Variants in TNC observed in about 807,000 individuals in gnomAD.
The protein encoded by TNC is tenascin.
TNC carries 109 observed loss-of-function variants against 202.4 expected under a neutral mutation model. That is an observed-to-expected ratio of 0.54 (90% confidence interval 0.46 to 0.63). TNC has a LOEUF of 0.63. TNC is among the 30% of genes least tolerant of loss of function. TNC has a pLI of 0.00. For synonymous variants in TNC, 1,007 were observed against 1,089.7 expected (o/e 0.92, Z 1.50); for missense variants, 2,756 against 2,833.3 (o/e 0.97, Z 0.62).
At position 115,087,701 on chromosome 9, in the gene TNC, T is replaced by TTC. The variant is rs1341065749; in HGVS notation, c.458-429_458-428insGA. On this transcript the variant is annotated intron_variant, in intron 2 of 27. Transcript: ENST00000350763. The stretch of plus-strand genomic sequence containing the variant: ...TATGTTACTATTTCTTTCTTTTCTT[T>TTC]TTTTTTTTTTTTTTTTTTGAGACAG... Among the ~76,000 whole-genome samples the TTC allele has an allele frequency of 1.9e-4, 6 of 31,788 alleles. No individual in the cohort carries two copies. The East Asian group carries it at 2.8e-3, about 15-fold the overall frequency. The allele number at this position is 31,788 out of a possible 152,430, so 20.9% of individuals were successfully genotyped here.
chr9:115,084,616 C>A (rs960834334), intron 3 of TNC, 144 bp from the exon 4 acceptor site: 5 of 992,666 alleles, frequency 5.0e-6, no homozygotes, highest in Non-Finnish European at 5.8e-6. Context: ...GCATCAGGGA[C>A]CCCCTGCTGT....
intron 1 of TNC, among the ~76,000 whole-genome samples, chr9:115,102,368 G>T (rs1411788489): frequency 6.6e-6 from 1 of 152,208 alleles, no homozygotes; most frequent in Admixed American, 6.5e-5. Flanking sequence ...GCCTGTGGCT[G>T]CTGTGGAGAT....
intron 1 of TNC, among the ~76,000 whole-genome samples, chr9:115,103,660 T>C (rs1442374423): frequency 2.6e-5 from 4 of 152,232 alleles, no homozygotes; most frequent in Non-Finnish European, 5.9e-5. Context: ...TTGGTTCCAG[T>C]GATCTGTGGT....
Position 115,048,484 on chromosome 9 carries a change from T to C in TNC, c.4628A>G (p.Tyr1543Cys). Residue 1543 changes from tyrosine to cysteine, a missense_variant, in exon 16 of 28, where the codon TAC becomes TGC. Around this residue, in one of 2 missense-constraint regions of TNC, gnomAD observed 2,559 missense variants for 2,546.0 expected, o/e 1.01. Coordinates refer to ENST00000350763, the MANE Select transcript of TNC (RefSeq NM_002160.4). ...ENLTISDINPYGFTVSWMASE... is the reference protein window; with the variant it reads ...ENLTISDINPCGFTVSWMASE... ...TGCCATCCAGGAAACTGTGAACCCGTAGGGATTAATGTCGGAAATGGTTAG... is the reference window on the plus strand; with the variant it reads ...TGCCATCCAGGAAACTGTGAACCCGCAGGGATTAATGTCGGAAATGGTTAG... 1 of 1,613,836 alleles carries C rather than the reference T, an allele frequency of 6.2e-7. No individual in the cohort carries two copies. Among genetic ancestry groups the C allele is most frequent in the Non-Finnish European group, 8.5e-7 (1 of 1,179,920 alleles).
intron 11 of TNC, 26 bp from the exon 12 acceptor site, chr9:115,064,094 A>G (rs1832758518): frequency 1.3e-6 from 2 of 1,571,718 alleles, no homozygotes; most frequent in Non-Finnish European, 1.7e-6. Context: ...GAACTAGTTT[A>G]GTGATCAAAT....
chr9:115,059,801 GGCGTGGCA>G lies in TNC; in HGVS notation c.4227_4234del (p.Ala1410LeufsTer2). 1.1e-5 allele frequency: 17 copies of G among 1,614,142 alleles called. No homozygotes were observed. Among genetic ancestry groups the G allele is most frequent in the Non-Finnish European group, 1.2e-5 (14 of 1,180,014 alleles). On this transcript the variant is annotated frameshift_variant, in exon 14 of 28. Coordinates refer to ENST00000350763, the MANE Select transcript of TNC (RefSeq NM_002160.4). LOFTEE classifies it high-confidence loss of function. ...CACCCCATAGATGGAGACTCTATAA[GGCGTGGCA>G]GCCTCGAGGCCCGGGATGTCCACAG...
intron 10 of TNC, 95 bp from the exon 11 acceptor site, chr9:115,065,014 G>A (rs367898180): frequency 7.1e-7 from 1 of 1,415,124 alleles, no homozygotes; most frequent in African/African-American, 1.4e-5. Context: ...CACATCTATA[G>A]GCCATTGCAG....
chr9:115,078,331 C>T, intron 6 of TNC, 119 bp from the exon 7 acceptor site: 1 of 1,205,226 alleles, frequency 8.3e-7, no homozygotes, highest in Non-Finnish European at 1.1e-6. Flanking sequence ...AACTGCTTGA[C>T]TTTACTTTGC....
chr9:115,101,094 T>C (rs1205053290), intron 1 of TNC, among the ~76,000 whole-genome samples: 1 of 152,178 alleles, frequency 6.6e-6, no homozygotes, highest in East Asian at 1.9e-4. Context: ...AACTATCTAC[T>C]TTTTCAGTAC....
At chr9:115,050,484 T>C (rs1588063866) in intron 15 of TNC, among the ~76,000 whole-genome samples, 1 of 152,166 alleles carries the variant, frequency 6.6e-6, no homozygotes, top group East Asian at 1.9e-4. Context: ...TCTCAGTCCC[T>C]TAAGAAATTA....
chr9:115,031,911 C>G (rs1440445552), intron 22 of TNC, among the ~76,000 whole-genome samples: 1 of 152,048 alleles, frequency 6.6e-6, no homozygotes, highest in Non-Finnish European at 1.5e-5. Flanking sequence ...AGGTGCAGAG[C>G]AAGTTAAAAT....
chr9:115,073,488 G>A lies in TNC; in HGVS notation c.3214+115C>T, dbSNP rs1588128474. On this transcript the variant is annotated intron_variant, in intron 10 of 27. Transcript: ENST00000350763. ...AGTGGTGTTCAGGGGCTTCAGAGAT[G>A]GAGAAAGTGGCTTGCTTTTGCATTT... The A allele has an allele frequency of 6.2e-6, 8 of 1,288,216 alleles. No homozygotes were observed. The East Asian group carries it at 1.9e-4, about 31-fold the overall frequency. The allele number at this position is 1,288,216 out of a possible 1,614,324, so 79.8% of individuals were successfully genotyped here.
chr9:115,111,570 G>C (rs530226238), intron 1 of TNC, among the ~76,000 whole-genome samples: 13 of 151,804 alleles, frequency 8.6e-5, no homozygotes, highest in African/African-American at 3.1e-4. Flanking sequence ...CACCATGCCA[G>C]GCTAATTTTT....
At chr9:115,070,695 C>T (rs1265374588) in intron 10 of TNC, among the ~76,000 whole-genome samples, 1 of 152,198 alleles carries the variant, frequency 6.6e-6, no homozygotes, top group East Asian at 1.9e-4. Context: ...CATTGAGTGG[C>T]GCCTGGCAGG....
At chr9:115,065,070 C>T (rs571542284) in intron 10 of TNC, 151 bp from the exon 11 acceptor site, 1 of 813,110 alleles carries the variant, frequency 1.2e-6, no homozygotes, top group Non-Finnish European at 1.9e-6. Context: ...TGGTGCTGTC[C>T]CTATTAAAAC....
At chr9:115,067,355 T>G (rs1369352491) in intron 10 of TNC, among the ~76,000 whole-genome samples, 3 of 152,046 alleles carry the variant, frequency 2.0e-5, no homozygotes, top group Non-Finnish European at 1.5e-5. Flanking sequence ...TTTTTGTTTC[T>G]CTGCTGTCCA....
intron 7 of TNC, among the ~76,000 whole-genome samples, chr9:115,077,259 T>A (rs1833938599): frequency 6.6e-6 from 1 of 152,114 alleles, no homozygotes; most frequent in African/African-American, 2.4e-5. Context: ...GGTTTCACTG[T>A]GTTAGCCAGA....
intron 10 of TNC, among the ~76,000 whole-genome samples, chr9:115,072,499 T>A (rs989211744): frequency 2.6e-5 from 4 of 152,228 alleles, no homozygotes; most frequent in African/African-American, 9.6e-5. Context: ...TCAAGCCATT[T>A]CCAAATATGT....
rs747984295 is a variant in TNC at position 115,082,811 on chromosome 9, T to C, written c.2132-4A>G. On this transcript the variant is annotated splice_polypyrimidine_tract_variant and splice_region_variant and intron_variant, in intron 4 of 27. Coordinates refer to ENST00000350763, the MANE Select transcript of TNC (RefSeq NM_002160.4). ...AGGCCTTCAGGTGCAGGTAAGTCTGTAAGTAACAACATAAATAGAACGTAA... is the reference window on the plus strand; with the variant it reads ...AGGCCTTCAGGTGCAGGTAAGTCTGCAAGTAACAACATAAATAGAACGTAA... 6.2e-7 allele frequency: 1 copy of C among 1,602,330 alleles called. No homozygotes were observed. The highest frequency in any genetic ancestry group is 1.1e-5 in the South Asian group (1 of 90,820).
Sources: gnomAD v4.1 joint callset for allele counts (sites outside exome capture counted in the v4.1 genomes callset) on GRCh38, gnomAD v4.1.1 for gene constraint, gnomAD v4.1.1 regional missense constraint, MANE v1.5 for transcripts, NCBI Gene and HGNC (gene_info 2026-07-23, HGNC 2026-07-21) for gene names.